BPGM: variants seen among roughly 807,000 people sequenced by gnomAD.
BPGM encodes 2,3-bisphosphoglycerate mutase, erythrocyte.
BPGM carries 15 observed loss-of-function variants against 21.6 expected under a neutral mutation model. The observed-to-expected ratio is 0.70, with a 90% CI of 0.47 to 1.07. BPGM has a LOEUF of 1.07. Among genes scored for constraint, BPGM ranks in the 50% least tolerant of loss-of-function variants. The pLI is 0.00. For missense variants in BPGM, 273 were observed against 319.0 expected (o/e 0.86, Z 1.10); for synonymous variants, 113 against 116.2 (o/e 0.97, Z 0.18).
At chr7:134,660,994 T>C (rs1416211954) in intron 1 of BPGM, among the ~76,000 whole-genome samples, 2 of 152,208 alleles carry the variant, frequency 1.3e-5, no homozygotes, top group Non-Finnish European at 2.9e-5. Context: ...AATGTGAGAC[T>C]GGTAAATACT....
At chr7:134,664,336 G>A (rs1319753701) in intron 2 of BPGM, among the ~76,000 whole-genome samples, 1 of 152,096 alleles carries the variant, frequency 6.6e-6, no homozygotes, top group African/African-American at 2.4e-5. Context: ...CCTTGCCTTG[G>A]CTAGCTTCGG....
intron 1 of BPGM, among the ~76,000 whole-genome samples, chr7:134,658,037 A>G (rs991661011): frequency 2.6e-5 from 4 of 152,204 alleles, no homozygotes; most frequent in African/African-American, 9.7e-5. Context: ...TGTTTCACTC[A>G]CATTTTACAA....
chr7:134,674,566 A>C (rs1795958819), intron 2 of BPGM, among the ~76,000 whole-genome samples: 1 of 152,226 alleles, frequency 6.6e-6, no homozygotes, highest in Admixed American at 6.5e-5. Context: ...GATTCATCCA[A>C]GAACCTTGTT....
intron 2 of BPGM, among the ~76,000 whole-genome samples, chr7:134,667,115 T>G (rs1436056341): frequency 6.6e-6 from 1 of 152,048 alleles, no homozygotes; most frequent in Non-Finnish European, 1.5e-5. Flanking sequence ...TTCATTGGAT[T>G]TAGATGCTAA....
intron 2 of BPGM, among the ~76,000 whole-genome samples, chr7:134,667,796 T>A (rs890474867): frequency 4.6e-5 from 7 of 152,160 alleles, no homozygotes; most frequent in Non-Finnish European, 8.8e-5. Flanking sequence ...TTTTCCCTAT[T>A]TTGTCTCTAA....
chr7:134,661,348 AT>A lies in BPGM; in HGVS notation c.-61-96del. 1 of 992,176 alleles carries A rather than the reference AT, an allele frequency of 1.0e-6. No homozygotes were observed. Among genetic ancestry groups the A allele is most frequent in the Non-Finnish European group, 1.5e-6 (1 of 663,048 alleles). The allele number at this position is 992,176 out of a possible 1,614,324, so 61.5% of individuals were successfully genotyped here. ...ATCACATTTCTGACTGTTCAAAGGG[AT>A]TTCAGTTTCTTTTAGAAATTGGGTG... On this transcript the variant is annotated intron_variant, in intron 1 of 2. Transcript: ENST00000344924. The surrounding 1 kb of genome is among the most constrained non-coding windows in gnomAD (Gnocchi z 4.6).
intron 1 of BPGM, chr7:134,660,333 C>CT (rs1325005824): frequency 6.6e-6 from 1 of 152,242 alleles, no homozygotes; most frequent in African/African-American, 2.4e-5. Flanking sequence ...CTCGTATAAT[C>CT]TTTACAACCC....
At chr7:134,649,189 A>G (rs187914315) in intron 1 of BPGM, among the ~76,000 whole-genome samples, 2 of 151,074 alleles carry the variant, frequency 1.3e-5, no homozygotes, top group East Asian at 1.9e-4. Context: ...TTTTTTTACT[A>G]TAGTCACCCT....
At chr7:134,671,428 C>A (rs1585865237) in intron 2 of BPGM, among the ~76,000 whole-genome samples, 1 of 145,928 alleles carries the variant, frequency 6.9e-6, no homozygotes, top group African/African-American at 2.6e-5. Context: ...GTGGTGCAAT[C>A]TGGGCTCACT....
intron 2 of BPGM, among the ~76,000 whole-genome samples, chr7:134,678,190 C>G (rs929488712): frequency 6.6e-5 from 10 of 152,170 alleles, no homozygotes; most frequent in African/African-American, 2.4e-4. Flanking sequence ...TTAAAAAGGG[C>G]TAAAGGTGGC....
chr7:134,663,797 A>T (rs1041250922), intron 2 of BPGM, among the ~76,000 whole-genome samples: 1 of 152,190 alleles, frequency 6.6e-6, no homozygotes, highest in African/African-American at 2.4e-5. Flanking sequence ...CTCTTCACCT[A>T]TCTTCAAATT....
intron 2 of BPGM, among the ~76,000 whole-genome samples, chr7:134,669,190 ACC>A (rs1795866115): frequency 6.6e-6 from 1 of 152,164 alleles, no homozygotes; most frequent in African/African-American, 2.4e-5. Flanking sequence ...TGCTATATGC[ACC>A]TATCTGTGCC....
In BPGM at chr7:134,649,171, A is replaced by ATT. The variant is rs1290189857; in HGVS notation, c.-62+2235_-62+2236dup. 7.5e-5 allele frequency among the ~76,000 whole-genome samples: 11 copies of ATT among 146,104 alleles called. No individual in the cohort carries two copies. In the East Asian group the frequency reaches 1.2e-3, roughly 16 times the overall value. ...TAGTTATTTGAAAATTTACAATTAA[A>ATT]TTGTTTTTTTTTTTACTATAGTCAC... On this transcript the variant is annotated intron_variant, in intron 1 of 2. Transcript: ENST00000344924.
chr7:134,679,049 C>A lies in BPGM; in HGVS notation c.*18C>A. ...AAAAATAGTCTTTCTCAACTGTTGG[C>A]TAAGAAGAAATGCAAAAGAAGTGGC... On this transcript the variant is annotated 3_prime_UTR_variant, in exon 3 of 3. Coordinates refer to ENST00000344924, the MANE Select transcript of BPGM (RefSeq NM_001724.5). 1 of 1,612,838 alleles carries A rather than the reference C, an allele frequency of 6.2e-7. No individual in the cohort carries two copies.
intron 2 of BPGM, among the ~76,000 whole-genome samples, chr7:134,672,176 C>T (rs1207850222): frequency 6.6e-6 from 1 of 152,090 alleles, no homozygotes; most frequent in Non-Finnish European, 1.5e-5. Flanking sequence ...TTAAAATATC[C>T]CATTATTTAA....
rs373408945 is a variant in BPGM at position 134,678,834 on chromosome 7, T to C, written c.602-19T>C. ...GAGTTGTGTTTTAACACCTGGTCTC[T>C]TCCTGTCCTGATCAACAGGTATCTC... On this transcript the variant is annotated intron_variant, in intron 2 of 2. Transcript: ENST00000344924. The C allele has an allele frequency of 6.2e-7, 1 of 1,610,154 alleles. No homozygotes were observed. The highest frequency in any genetic ancestry group is 1.7e-5 in the Admixed American group (1 of 60,028).
At chr7:134,677,179 A>G (rs1199918470) in intron 2 of BPGM, among the ~76,000 whole-genome samples, 1 of 152,180 alleles carries the variant, frequency 6.6e-6, no homozygotes, top group Non-Finnish European at 1.5e-5. Context: ...TTGTTCATGT[A>G]TGTTCTCTTT....
At chr7:134,658,890 G>GTTTTTTTTTTTTTTTTT (rs1284887799) in intron 1 of BPGM, among the ~76,000 whole-genome samples, 1 of 137,902 alleles carries the variant, frequency 7.3e-6, no homozygotes, top group Admixed American at 7.4e-5. Context: ...GTGTGTGTGT[G>GTTTTTTTTTTTTTTTTT]TATTTTTTTT....
chr7:134,648,140 T>TTTG (rs1554409881), intron 1 of BPGM, among the ~76,000 whole-genome samples: 25 of 149,488 alleles, frequency 1.7e-4, no homozygotes, highest in African/African-American at 2.2e-4. Context: ...TGGTTTTTTT[T>TTTG]TTGTTTTGTT....
Sources: allele counts gnomAD v4.1 joint callset (sites outside exome capture counted in the v4.1 genomes callset), GRCh38; gene constraint gnomAD v4.1.1; non-coding constraint Gnocchi (gnomAD v3.1); transcripts MANE v1.5; gene names NCBI Gene and HGNC (gene_info 2026-07-23, HGNC 2026-07-21).